NMRK2: variants seen among roughly 807,000 people sequenced by gnomAD.
NMRK2 encodes the protein nicotinamide riboside kinase 2, also known as NRK 2.
In NMRK2, 34 loss-of-function variants were observed where a neutral mutation model predicts 24.7. That is an observed-to-expected ratio of 1.37 (90% CI 1.05 to 1.83). The LOEUF (loss-of-function observed/expected upper bound fraction) is 1.83, where lower values mean the gene tolerates loss of function less well. Among genes scored for constraint, NMRK2 ranks in the 40% most tolerant of loss-of-function variants. The pLI, the probability that NMRK2 is intolerant of heterozygous loss-of-function variation, is 0.00. For synonymous variants in NMRK2, 145 were observed against 125.6 expected, an observed-to-expected ratio of 1.15 and a Z score of -1.03; for missense variants, 341 against 315.0, an observed-to-expected ratio of 1.08 and a Z score of -0.62.
intron 2 of NMRK2, among the ~76,000 whole-genome samples, chr19:3,935,899 T>G (rs1454015504): frequency 6.6e-6 from 1 of 151,854 alleles, no homozygotes; most frequent in Non-Finnish European, 1.5e-5. Flanking sequence ...TAAGCCCTGC[T>G]GAGACTAAAT....
Position 3,941,166 on chromosome 19 carries a change from G to T in NMRK2, c.491G>T (p.Gly164Val). Reference protein sequence around the residue: ...QKYRQEMEANGVEVVYLDGMK... With the variant: ...QKYRQEMEANVVEVVYLDGMK... ...TATAGGCAGGAGATGGAGGCCAACG[G>T]TGTGGAAGTGGGTAAGCCCCTGAGC... Residue 164 changes from glycine to valine, a missense_variant, in exon 7 of 8, where the codon GGT becomes GTT. Gly to Val is a moderately radical substitution (Grantham distance 109). Transcript: ENST00000168977. 2 of 1,588,470 alleles carry T rather than the reference G, an allele frequency of 1.3e-6. No individual in the cohort carries two copies. The highest frequency in any genetic ancestry group is 2.3e-5 in the East Asian group (1 of 43,062).
chr19:3,938,841 T>G lies in NMRK2; in HGVS notation c.323+82T>G, dbSNP rs1568180861. The G allele has an allele frequency of 2.1e-3, 802 of 378,882 alleles. 2 individuals are homozygous for G. Among genetic ancestry groups the G allele is most frequent in the South Asian group, 5.2e-3 (99 of 19,086 alleles). The allele number at this position is 378,882 out of a possible 1,614,324, so 23.5% of individuals were successfully genotyped here. ...TCTCTTGTTTTTTTTTTTTTTTTTT[T>G]TTGTTTTGTTTTTTTTTTTTTTTGA... On this transcript the variant is annotated intron_variant, in intron 5 of 7. Transcript: ENST00000168977.
chr19:3,938,859 T>C, intron 5 of NMRK2, 100 bp downstream of exon 5: 3 of 1,012,978 alleles, frequency 3.0e-6, no homozygotes, highest in Non-Finnish European at 2.7e-6. Context: ...GTTTTTTTTT[T>C]TTTTTGAGAC....
intron 4 of NMRK2, among the ~76,000 whole-genome samples, chr19:3,937,811 T>C (rs1599161644): frequency 1.1e-5 from 1 of 87,694 alleles, no homozygotes; most frequent in African/African-American, 4.5e-5. Context: ...CAATACCCGC[T>C]CCCCGTCCAC....
intron 6 of NMRK2, among the ~76,000 whole-genome samples, chr19:3,940,216 G>A (rs544118641): frequency 9.3e-5 from 14 of 150,164 alleles, no homozygotes; most frequent in Middle Eastern, 6.9e-3. Flanking sequence ...GCGTAGTGGC[G>A]TGCACCTGTA....
rs749528163 is a variant in NMRK2 at position 3,933,704 on chromosome 19, G to C, written c.26+7G>C. The C allele has an allele frequency of 6.9e-7, 1 of 1,440,118 alleles. No individual in the cohort carries two copies. The highest frequency in any genetic ancestry group is 9.1e-7 in the Non-Finnish European group (1 of 1,096,990). 89.2% of individuals were successfully genotyped at this position (1,440,118 alleles called of 1,614,324 possible). ...TCATCGTGGGCATCGGAGGGTGAGCGCCGGGGGACCTGGTGGGCGGCCCTG... is the reference window on the plus strand; with the variant it reads ...TCATCGTGGGCATCGGAGGGTGAGCCCCGGGGGACCTGGTGGGCGGCCCTG... On this transcript the variant is annotated splice_region_variant and intron_variant, in intron 2 of 7. Coordinates refer to ENST00000168977, the MANE Select transcript of NMRK2 (RefSeq NM_170678.3).
chr19:3,941,954 G>C (rs1034884733), intron 7 of NMRK2, 129 bp from the exon 8 acceptor site: 5 of 701,344 alleles, frequency 7.1e-6, no homozygotes, highest in Non-Finnish European at 1.2e-5. Flanking sequence ...TCTTGCTGTT[G>C]GTCCAGGAAA....
intron 2 of NMRK2, among the ~76,000 whole-genome samples, chr19:3,934,933 C>T (rs2039187942): frequency 6.6e-6 from 1 of 152,172 alleles, no homozygotes; most frequent in African/African-American, 2.4e-5. Flanking sequence ...GCACTCAGCG[C>T]TGCAAATGTC....
At chr19:3,941,933 G>A (rs1463548686) in intron 7 of NMRK2, 150 bp from the exon 8 acceptor site, 13 of 630,344 alleles carry the variant, frequency 2.1e-5, no homozygotes, top group Middle Eastern at 4.3e-4. Context: ...GAGCCACCGC[G>A]CCCGGCCCCC....
Position 3,938,667 on chromosome 19 carries a change from GA to G in NMRK2, c.233del (p.Lys78SerfsTer43). The stretch of plus-strand genomic sequence containing the variant: ...TGCAGGCCTGGCTGAGCAGCCCGCA[GA>G]AGTTTGCCCGTGCCCACGGGGTCAG... ...TVQAWLSSPQKFARAHGVSVQ... is the reference protein window; with the variant it reads ...TVQAWLSSPQXFARAHGVSVQ... On this transcript the variant is annotated frameshift_variant, in exon 5 of 8. Transcript: ENST00000168977. LOFTEE classifies it high-confidence loss of function. 6.2e-7 allele frequency: 1 copy of G among 1,612,746 alleles called. No individual in the cohort carries two copies. The highest frequency in any genetic ancestry group is 1.1e-5 in the South Asian group (1 of 90,986).
At chr19:3,939,374 T>G (rs1455943064) in intron 5 of NMRK2, among the ~76,000 whole-genome samples, 3 of 151,270 alleles carry the variant, frequency 2.0e-5, no homozygotes, top group African/African-American at 7.3e-5. Flanking sequence ...ATTAGCCAGG[T>G]GTGGTGGCGT....
intron 2 of NMRK2, among the ~76,000 whole-genome samples, chr19:3,934,735 C>T (rs2039184503): frequency 6.6e-6 from 1 of 151,942 alleles, no homozygotes; most frequent in Non-Finnish European, 1.5e-5. Context: ...GCGTGAACCA[C>T]ATGCCTGTCT....
Position 3,942,199 on chromosome 19 carries a change from A to G in NMRK2, c.619A>G (p.Arg207Gly). Residue 207 changes from arginine (R) to glycine (G), a missense_variant, in exon 8 of 8, where the codon AGG becomes GGG. By Grantham distance (125) the Arg-to-Gly change is moderately radical. Transcript: ENST00000168977. ...ESAPSPARPA[R>G]TQGPGRGCGH... ...AGCCCCCTCCCCGGCTCGCCCAGCC[A>G]GGACACAGGGACCCGGACGCGGATG... The G allele has an allele frequency of 1.2e-6, 2 of 1,613,166 alleles. No homozygotes were observed. Among genetic ancestry groups the G allele is most frequent in the South Asian group, 1.1e-5 (1 of 91,076 alleles).
intron 2 of NMRK2, among the ~76,000 whole-genome samples, chr19:3,934,980 G>A (rs1265730853): frequency 6.6e-6 from 1 of 152,134 alleles, no homozygotes; most frequent in Non-Finnish European, 1.5e-5. Flanking sequence ...TTGGATTCAT[G>A]TCAGGCACTT....
intron 7 of NMRK2, among the ~76,000 whole-genome samples, chr19:3,941,614 C>A (rs956707442): frequency 6.6e-6 from 1 of 151,650 alleles, no homozygotes; most frequent in Non-Finnish European, 1.5e-5. Context: ...GACATTCCTC[C>A]GTGAGCCTCG....
chr19:3,938,205 C>T lies in NMRK2; in HGVS notation c.167-398C>T, dbSNP rs563377998. 1.5e-3 allele frequency among the ~76,000 whole-genome samples: 171 copies of T among 116,320 alleles called. 1 individual carries two copies. Among genetic ancestry groups the T allele is most frequent in the Admixed American group, 2.3e-3 (26 of 11,184 alleles). 76.3% of individuals were successfully genotyped at this position (116,320 alleles called of 152,430 possible). On this transcript the variant is annotated intron_variant, in intron 4 of 7. Coordinates refer to ENST00000168977, the MANE Select transcript of NMRK2 (RefSeq NM_170678.3). ...ACCCGTCCACTGTTCCCCCAGGGTCCGCCCTCCTGCAATACCTGCTCCCCG... is the reference window on the plus strand; with the variant it reads ...ACCCGTCCACTGTTCCCCCAGGGTCTGCCCTCCTGCAATACCTGCTCCCCG...
chr19:3,935,808 C>G (rs1002087654), intron 2 of NMRK2, among the ~76,000 whole-genome samples: 1 of 151,214 alleles, frequency 6.6e-6, no homozygotes. Flanking sequence ...TGAGCTCAAG[C>G]GATCCACCTG....
intron 5 of NMRK2, 60 bp downstream of exon 5, chr19:3,938,819 CTTGTT>C (rs2039267786): frequency 3.0e-5 from 10 of 330,200 alleles, no homozygotes; most frequent in South Asian, 8.8e-5. Context: ...ATAGCCATCT[CTTGTT>C]TTTTTTTTTT....
intron 2 of NMRK2, among the ~76,000 whole-genome samples, chr19:3,934,675 G>C (rs922472634): frequency 6.6e-6 from 1 of 151,330 alleles, no homozygotes; most frequent in African/African-American, 2.4e-5. Flanking sequence ...TCCGCCTCCC[G>C]GGTTCAAGCA....
Sources: gnomAD v4.1 joint callset for allele counts (sites outside exome capture counted in the v4.1 genomes callset) on GRCh38, gnomAD v4.1.1 for gene constraint, MANE v1.5 for transcripts, NCBI Gene and HGNC (gene_info 2026-07-23, HGNC 2026-07-21) for gene names.